Variants in PRKCH observed in about 807,000 individuals in gnomAD.
PRKCH encodes the protein protein kinase C eta type.
PRKCH carries 28 observed loss-of-function variants against 82.5 expected under a neutral mutation model. The observed-to-expected ratio is 0.34, with a 90% CI of 0.25 to 0.47. PRKCH has a LOEUF of 0.47. PRKCH is among the 20% of genes least tolerant of loss of function. The pLI is 1.00. For synonymous variants in PRKCH, 322 were observed against 327.4 expected (o/e 0.98, Z 0.18); for missense variants, 705 against 881.8 (o/e 0.80, Z 2.54).
intron 1 of PRKCH, among the ~76,000 whole-genome samples, chr14:61,217,109 A>T (rs866872114): frequency 1.3e-5 from 2 of 152,184 alleles, no homozygotes; most frequent in East Asian, 1.9e-4. Context: ...CGAGAGACAG[A>T]CTGGGCGTGG....
chr14:61,252,900 G>A (rs59197715), intron 1 of PRKCH, among the ~76,000 whole-genome samples: 35,897 of 151,974 alleles, frequency 0.24, 5,096 homozygotes, highest in African/African-American at 0.4. Context: ...TGACGGTCAC[G>A]CCCCTGGTAC....
intron 10 of PRKCH, among the ~76,000 whole-genome samples, chr14:61,492,941 G>A (rs764150890): frequency 6.6e-6 from 1 of 152,190 alleles, no homozygotes; most frequent in Non-Finnish European, 1.5e-5. Flanking sequence ...AGGGTGTTTA[G>A]GTAGGGGAGC....
intron 12 of PRKCH, among the ~76,000 whole-genome samples, chr14:61,531,475 T>G (rs937940183): frequency 2.0e-5 from 3 of 152,226 alleles, no homozygotes; most frequent in Admixed American, 6.5e-5. Flanking sequence ...ATGTGGGAAA[T>G]ATTTGCTATC....
intron 1 of PRKCH, among the ~76,000 whole-genome samples, chr14:61,256,560 C>T (rs1317736924): frequency 6.6e-6 from 1 of 152,134 alleles, no homozygotes; most frequent in East Asian, 1.9e-4. Flanking sequence ...CTTTTTCTAT[C>T]CTAAACTCGC....
chr14:61,445,599 AAGG>A (rs568695030), intron 3 of PRKCH, 90 bp from the exon 4 acceptor site: 25 of 1,107,900 alleles, frequency 2.3e-5, no homozygotes, highest in Non-Finnish European at 3.3e-5. Flanking sequence ...GTTTTTCATA[AAGG>A]AGGAGAGGAT....
intron 1 of PRKCH, among the ~76,000 whole-genome samples, chr14:61,366,519 G>C (rs2046298583): frequency 6.6e-6 from 1 of 152,096 alleles, no homozygotes; most frequent in Admixed American, 6.5e-5. Flanking sequence ...GGAGGTTGCA[G>C]GTTGGCTGAT....
intron 1 of PRKCH, among the ~76,000 whole-genome samples, chr14:61,225,558 G>C (rs567624544): frequency 2.6e-5 from 4 of 152,272 alleles, no homozygotes; most frequent in African/African-American, 9.6e-5. Flanking sequence ...TGGAGTGCAT[G>C]GTAATACGCA....
intron 11 of PRKCH, 125 bp downstream of exon 11, chr14:61,529,338 C>T (rs2043014349): frequency 9.0e-7 from 1 of 1,112,434 alleles, no homozygotes; most frequent in Non-Finnish European, 1.2e-6. Context: ...CTAGAGCCGA[C>T]ACCTCTAGAC....
intron 13 of PRKCH, 29 bp downstream of exon 13, chr14:61,547,915 T>A: frequency 1.2e-6 from 2 of 1,606,090 alleles, no homozygotes; most frequent in Non-Finnish European, 1.7e-6. Context: ...CACAGAGACA[T>A]TCCTTTCTTC....
chr14:61,487,451 C>A (rs556117343), intron 10 of PRKCH, among the ~76,000 whole-genome samples: 11 of 152,260 alleles, frequency 7.2e-5, no homozygotes, highest in African/African-American at 2.6e-4. Flanking sequence ...CCAGTGTATG[C>A]TTTGTGGAGG....
At chr14:61,332,439 T>A (rs181892811) in intron 1 of PRKCH, among the ~76,000 whole-genome samples, 50 of 152,354 alleles carry the variant, frequency 3.3e-4, no homozygotes, top group African/African-American at 1.1e-3. Flanking sequence ...GCCCACTTAA[T>A]AGGAAGCTTA....
chr14:61,320,186 A>G (rs549419626), upstream of PRKCH, among the ~76,000 whole-genome samples: 1 of 152,144 alleles, frequency 6.6e-6, no homozygotes, highest in Non-Finnish European at 1.5e-5. Flanking sequence ...AGCAAAACCC[A>G]GTCTCTAAAA....
At chr14:61,369,627 G>A (rs908067214) in intron 1 of PRKCH, among the ~76,000 whole-genome samples, 1 of 151,986 alleles carries the variant, frequency 6.6e-6, no homozygotes, top group African/African-American at 2.4e-5. Flanking sequence ...CTGTTTTGTG[G>A]AATGTAGTAT....
intron 10 of PRKCH, chr14:61,528,182 A>ACACACACACACACACACACACAC (rs1566929556): frequency 6.6e-6 from 1 of 151,096 alleles, no homozygotes; most frequent in Admixed American, 6.6e-5. Context: ...ACACACACAC[A>ACACACACACACACACACACACAC]AAGTATTTCT....
chr14:61,382,407 G>T (rs573802408), intron 1 of PRKCH, among the ~76,000 whole-genome samples: 1 of 152,002 alleles, frequency 6.6e-6, no homozygotes, highest in African/African-American at 2.4e-5. Flanking sequence ...TCTAGCCTGG[G>T]TGACAGAGCC....
intron 10 of PRKCH, among the ~76,000 whole-genome samples, chr14:61,518,572 A>G (rs1403999249): frequency 6.6e-6 from 1 of 152,092 alleles, no homozygotes; most frequent in South Asian, 2.1e-4. Flanking sequence ...TTCCTCTTGT[A>G]TTTGTCCAGA....
chr14:61,497,032 G>A (rs1886697534), intron 10 of PRKCH, among the ~76,000 whole-genome samples: 1 of 152,118 alleles, frequency 6.6e-6, no homozygotes, highest in Non-Finnish European at 1.5e-5. Context: ...TTCTCTGATT[G>A]ACCGAAAAGG....
chr14:61,303,633 C>A (rs1594900208), intron 1 of PRKCH: 1 of 152,064 alleles, frequency 6.6e-6, no homozygotes, highest in East Asian at 1.9e-4. Flanking sequence ...TTCATCCTTG[C>A]AATCTTTTTC....
chr14:61,253,615 T>G (rs982474327), intron 1 of PRKCH, among the ~76,000 whole-genome samples: 3 of 152,222 alleles, frequency 2.0e-5, no homozygotes, highest in African/African-American at 7.2e-5. Context: ...TGCAGTGTCC[T>G]CTTTACACAC....
Sources: gnomAD v4.1 joint callset for allele counts (sites outside exome capture counted in the v4.1 genomes callset) on GRCh38, gnomAD v4.1.1 for gene constraint, MANE v1.5 for transcripts, NCBI Gene and HGNC (gene_info 2026-07-23, HGNC 2026-07-21) for gene names.